Variants in RNF144A observed in about 807,000 individuals in gnomAD.
RNF144A encodes the protein E3 ubiquitin-protein ligase RNF144A.
Under a neutral mutation model 38.7 loss-of-function variants are expected in RNF144A, and 11 were observed. The observed-to-expected ratio is 0.28, with a 90% CI of 0.18 to 0.47. RNF144A has a LOEUF of 0.47. Ranked by LOEUF, RNF144A falls within the 20% of genes least tolerant of loss-of-function variation. RNF144A has a pLI of 0.99. For synonymous variants in RNF144A, 149 were observed against 143.9 expected (o/e 1.04, Z -0.25); for missense variants, 316 against 377.2 (o/e 0.84, Z 1.34).
chr2:7,009,112 G>A (rs926217470), intron 3 of RNF144A, among the ~76,000 whole-genome samples: 24 of 152,108 alleles, frequency 1.6e-4, no homozygotes, highest in African/African-American at 5.6e-4. Flanking sequence ...CCTCCACATG[G>A]GTGACAGGAG....
At chr2:7,054,574 T>A (rs1266864221) in intron 6 of RNF144A, among the ~76,000 whole-genome samples, 1 of 152,158 alleles carries the variant, frequency 6.6e-6, no homozygotes, top group South Asian at 2.1e-4. Flanking sequence ...TGTGCCACGG[T>A]CTGAATGTAT....
In RNF144A at chr2:6,990,572, A is replaced by ACACAC. The variant is rs377124161; in HGVS notation, c.-11-6344_-11-6343insCACAC. Among the ~76,000 whole-genome samples, 454 of 83,958 alleles carry ACACAC rather than the reference A, an allele frequency of 5.4e-3. 5 individuals are homozygous for ACACAC. The highest frequency in any genetic ancestry group is 9.4e-3 in the African/African-American group (187 of 19,814). 55.1% of individuals were successfully genotyped at this position (83,958 alleles called of 152,430 possible). A position where few individuals can be genotyped will look rare whatever the true frequency, so the allele number is the denominator to read the frequency against. ...AGAGAGAGAGATTGCTACACACACA[A>ACACAC]ACACACACACACACACACACACACA... On this transcript the variant is annotated intron_variant, in intron 2 of 8. Transcript: ENST00000320892.
chr2:6,970,435 T>C (rs1667939055), intron 2 of RNF144A, among the ~76,000 whole-genome samples: 1 of 152,230 alleles, frequency 6.6e-6, no homozygotes, highest in Non-Finnish European at 1.5e-5. Flanking sequence ...TGTGGAACTG[T>C]AAGTCCAATA....
intron 1 of RNF144A, among the ~76,000 whole-genome samples, chr2:6,920,860 G>T (rs549358905): frequency 6.6e-6 from 1 of 152,316 alleles, no homozygotes; most frequent in South Asian, 2.1e-4. Context: ...CTGAAGGATA[G>T]AGCTTATTAC....
intron 2 of RNF144A, among the ~76,000 whole-genome samples, chr2:6,993,929 A>C (rs1026289642): frequency 7.9e-5 from 12 of 151,880 alleles, no homozygotes; most frequent in African/African-American, 2.9e-4. Context: ...CTTACTTCTC[A>C]CTCACTCTTC....
intron 2 of RNF144A, among the ~76,000 whole-genome samples, chr2:6,956,952 G>A (rs145331365): frequency 6.6e-6 from 1 of 152,336 alleles, no homozygotes; most frequent in Non-Finnish European, 1.5e-5. Context: ...AACTCCATCA[G>A]TAGTTCTCAG....
At chr2:6,924,093 C>G (rs1664713857) in intron 1 of RNF144A, among the ~76,000 whole-genome samples, 1 of 152,230 alleles carries the variant, frequency 6.6e-6, no homozygotes, top group Non-Finnish European at 1.5e-5. Context: ...AAACCAGGTT[C>G]TCTCTTTAGG....
Position 7,020,872 on chromosome 2 carries a change from T to C in RNF144A, c.509+192T>C, listed in dbSNP as rs191628885. On this transcript the variant is annotated intron_variant, in intron 6 of 8. Transcript: ENST00000320892. Reference sequence around the variant, plus strand: ...TCTATTTATTTTTGAGAACTGACTATGTACCAGGCACTGTGTGAGGCCCTG... The same window carrying C: ...TCTATTTATTTTTGAGAACTGACTACGTACCAGGCACTGTGTGAGGCCCTG... The C allele has an allele frequency of 1.7e-4, 102 of 600,024 alleles. 1 individual carries two copies. In the East Asian group the frequency reaches 2.0e-3, roughly 12 times the overall value. 37.2% of individuals were successfully genotyped at this position (600,024 alleles called of 1,614,324 possible). A position where few individuals can be genotyped will look rare whatever the true frequency, so the allele number is the denominator to read the frequency against.
chr2:6,981,856 C>T (rs1029528054), intron 2 of RNF144A, among the ~76,000 whole-genome samples: 1 of 152,134 alleles, frequency 6.6e-6, no homozygotes, highest in East Asian at 1.9e-4. Flanking sequence ...TACTACCGGC[C>T]CACAGGTAGT....
chr2:6,983,107 G>A (rs950923252), intron 2 of RNF144A, among the ~76,000 whole-genome samples: 2 of 152,206 alleles, frequency 1.3e-5, no homozygotes, highest in Admixed American at 1.3e-4. Flanking sequence ...CCTCTCCCAT[G>A]CTTGTGCTGC....
At chr2:6,996,785 A>G (rs1669772994) in intron 2 of RNF144A, 131 bp from the exon 3 acceptor site, 9 of 862,220 alleles carry the variant, frequency 1.0e-5, no homozygotes, top group Non-Finnish European at 1.4e-5. Context: ...GAACATCCAG[A>G]TGCTCTAGGC....
chr2:6,957,876 C>G (rs3772016), intron 2 of RNF144A, among the ~76,000 whole-genome samples: 15,444 of 152,286 alleles, frequency 0.1, 889 homozygotes, highest in African/African-American at 0.14. Context: ...TGGGCCATCA[C>G]TAGCTCCCCG....
rs1371764112 is a variant in RNF144A at position 7,043,464 on chromosome 2, G to A, written c.*3704G>A. Reference sequence around the variant, plus strand: ...CTCATTTATTAGTGAGCACACCTGTGTATATATATAAATCACAAGGAGATC... The same window carrying A: ...CTCATTTATTAGTGAGCACACCTGTATATATATATAAATCACAAGGAGATC... On this transcript the variant is annotated 3_prime_UTR_variant, in exon 9 of 9. Transcript: ENST00000320892. The A allele has an allele frequency of 1.0e-6, 1 of 985,552 alleles. No homozygotes were observed. The allele number at this position is 985,552 out of a possible 1,614,324, so 61.1% of individuals were successfully genotyped here.
chr2:7,066,679 A>G lies in RNF144A; in HGVS notation c.735-1537A>G, dbSNP rs78244652. On this transcript the variant is annotated intron_variant, in intron 6 of 6. Coordinates refer to the RNF144A transcript ENST00000432850. ...ACTTTAAGAAACTAAGGTTGACTTT[A>G]TGGAGTCAATAAAGCCTCTTGGAAA... is the stretch of plus-strand genomic sequence containing the variant. Among the ~76,000 whole-genome samples, 34 of 152,330 alleles carry G rather than the reference A, an allele frequency of 2.2e-4. No individual in the cohort carries two copies. The East Asian group carries it at 6.0e-3, about 27-fold the overall frequency.
intron 2 of RNF144A, among the ~76,000 whole-genome samples, chr2:6,953,153 G>A (rs149793704): frequency 7.9e-5 from 12 of 152,198 alleles, no homozygotes; most frequent in East Asian, 7.7e-4. Context: ...AGGGCTGGAC[G>A]CAGTGGCTCA....
At chr2:7,021,940 A>T (rs1671561062) in intron 6 of RNF144A, among the ~76,000 whole-genome samples, 1 of 152,262 alleles carries the variant, frequency 6.6e-6, no homozygotes, top group African/African-American at 2.4e-5. Context: ...TTATTGTCCA[A>T]AGATGATCTA....
intron 1 of RNF144A, among the ~76,000 whole-genome samples, chr2:6,932,548 G>A (rs1016557179): frequency 2.0e-5 from 3 of 151,988 alleles, no homozygotes. Flanking sequence ...TAAAATTGGT[G>A]TGTGTTTTAT....
At chr2:6,997,304 C>T (rs10495548) in intron 3 of RNF144A, among the ~76,000 whole-genome samples, 46,999 of 152,072 alleles carry the variant, frequency 0.31, 7,633 homozygotes, top group African/African-American at 0.39. Flanking sequence ...ATTTTAGAAG[C>T]TCGTGATAAC....
rs1298513246 is a variant in RNF144A at position 7,043,194 on chromosome 2, C to G, written c.*3434C>G. The G allele has an allele frequency of 2.0e-6, 2 of 985,270 alleles. No individual in the cohort carries two copies. Among genetic ancestry groups the G allele is most frequent in the African/African-American group, 3.5e-5 (2 of 57,214 alleles). 61.0% of individuals were successfully genotyped at this position (985,270 alleles called of 1,614,324 possible). A position where few individuals can be genotyped will look rare whatever the true frequency, so the allele number is the denominator to read the frequency against. On this transcript the variant is annotated 3_prime_UTR_variant, in exon 9 of 9. Coordinates refer to ENST00000320892, the MANE Select transcript of RNF144A (RefSeq NM_014746.6). ...ATTTTCTTAAAGGGGAACAAATGAT[C>G]TTGACAACATATTATTCCATAAAAC...
Sources: allele counts gnomAD v4.1 joint callset (sites outside exome capture counted in the v4.1 genomes callset), GRCh38; gene constraint gnomAD v4.1.1; transcripts MANE v1.5; gene names NCBI Gene and HGNC (gene_info 2026-07-23, HGNC 2026-07-21).